The following CCDC91 variants were observed in gnomAD, a reference collection of about 807,000 sequenced individuals.
CCDC91 encodes the protein coiled-coil domain containing 91, also known as coiled-coil domain-containing protein 91.
In CCDC91, 48 loss-of-function variants were observed where a neutral mutation model predicts 63.2. The ratio of observed to expected loss-of-function variants is 0.76; its 90% CI spans 0.60 to 0.97. The LOEUF (loss-of-function observed/expected upper bound fraction) is 0.97. Ranked by LOEUF, CCDC91 falls within the 50% of genes least tolerant of loss-of-function variation. CCDC91 has a pLI of 0.00. For missense variants in CCDC91, 500 were observed against 494.6 expected (o/e 1.01, Z -0.10); for synonymous variants, 167 against 165.8 (o/e 1.01, Z -0.06).
chr12:28,198,690 AT>A (rs1431354870), intron 1 of CCDC91, among the ~76,000 whole-genome samples: 1 of 152,116 alleles, frequency 6.6e-6, no homozygotes, highest in Non-Finnish European at 1.5e-5. Flanking sequence ...GAAGAGATTT[AT>A]TTCTCTTTTT....
At chr12:28,198,025 A>G (rs1941918732) in intron 1 of CCDC91, among the ~76,000 whole-genome samples, 1 of 152,166 alleles carries the variant, frequency 6.6e-6, no homozygotes, top group African/African-American at 2.4e-5. Context: ...AATTCTGGTA[A>G]AACAATTTGT....
At chr12:28,477,459 G>C (rs1951168190) in intron 11 of CCDC91, among the ~76,000 whole-genome samples, 1 of 152,038 alleles carries the variant, frequency 6.6e-6, no homozygotes, top group South Asian at 2.1e-4. Flanking sequence ...AGGTATTGAT[G>C]GGACATATCT....
At chr12:28,230,858 C>T (rs1260131849) in intron 1 of CCDC91, among the ~76,000 whole-genome samples, 1 of 152,162 alleles carries the variant, frequency 6.6e-6, no homozygotes, top group Non-Finnish European at 1.5e-5. Flanking sequence ...CTCCTGGACT[C>T]AAGTGATCTG....
chr12:28,487,470 A>G (rs574181467), intron 12 of CCDC91, among the ~76,000 whole-genome samples: 57 of 152,018 alleles, frequency 3.7e-4, no homozygotes, highest in Non-Finnish European at 7.7e-4. Flanking sequence ...GATATCTCAG[A>G]GCTTATAAAC....
intron 6 of CCDC91, among the ~76,000 whole-genome samples, chr12:28,327,098 G>A (rs1261474790): frequency 6.6e-6 from 1 of 152,062 alleles, no homozygotes; most frequent in Non-Finnish European, 1.5e-5. Context: ...GTCCTTTTAG[G>A]GTTTCTTCCA....
At chr12:28,273,388 A>G (rs1947929847) in intron 3 of CCDC91, among the ~76,000 whole-genome samples, 1 of 152,136 alleles carries the variant, frequency 6.6e-6, no homozygotes, top group Non-Finnish European at 1.5e-5. Context: ...TGGTATTTCT[A>G]GTTCTAGATC....
chr12:28,360,637 T>C (rs1343981376), intron 6 of CCDC91, among the ~76,000 whole-genome samples: 2 of 152,250 alleles, frequency 1.3e-5, no homozygotes, highest in Non-Finnish European at 2.9e-5. Context: ...TTTAATTTGC[T>C]ATTATTTTCT....
intron 3 of CCDC91, among the ~76,000 whole-genome samples, chr12:28,275,965 C>T (rs1257165413): frequency 4.6e-5 from 7 of 152,078 alleles, no homozygotes; most frequent in Non-Finnish European, 1.0e-4. Context: ...ATTGATGGGA[C>T]GTATCTCAAA....
At chr12:28,317,221 C>T (rs1939988529) in intron 6 of CCDC91, among the ~76,000 whole-genome samples, 1 of 151,918 alleles carries the variant, frequency 6.6e-6, no homozygotes, top group South Asian at 2.1e-4. Context: ...AGGAATATCC[C>T]AGTTTGTGCT....
At chr12:28,545,346 C>G (rs1942915014) in intron 12 of CCDC91, among the ~76,000 whole-genome samples, 1 of 152,052 alleles carries the variant, frequency 6.6e-6, no homozygotes, top group Non-Finnish European at 1.5e-5. Flanking sequence ...AAAACAGTAA[C>G]TGTTGAAATT....
chr12:28,465,473 G>C (rs943933554), intron 11 of CCDC91, among the ~76,000 whole-genome samples: 3 of 152,176 alleles, frequency 2.0e-5, no homozygotes, highest in African/African-American at 7.2e-5. Flanking sequence ...GCTCAGAATA[G>C]AGAGAAAAAC....
At chr12:28,391,179 T>C (rs1945917267) in intron 7 of CCDC91, 125 bp from the exon 8 acceptor site, 6 of 541,730 alleles carry the variant, frequency 1.1e-5, no homozygotes, top group African/African-American at 3.9e-5. Flanking sequence ...TATTAACAAA[T>C]ACATATTTTG....
At chr12:28,197,442 G>A (rs1255565058) in intron 1 of CCDC91, among the ~76,000 whole-genome samples, 2 of 152,018 alleles carry the variant, frequency 1.3e-5, no homozygotes, top group Admixed American at 1.3e-4. Flanking sequence ...AAATCTTTGT[G>A]CCTAGCTTCA....
intron 3 of CCDC91, among the ~76,000 whole-genome samples, chr12:28,293,646 C>A (rs1055395085): frequency 6.6e-6 from 1 of 151,808 alleles, no homozygotes; most frequent in African/African-American, 2.4e-5. Flanking sequence ...TCTTAAAATT[C>A]TTTTTGAAGT....
intron 12 of CCDC91, among the ~76,000 whole-genome samples, chr12:28,537,717 A>C (rs1371389572): frequency 6.6e-6 from 1 of 152,230 alleles, no homozygotes; most frequent in Non-Finnish European, 1.5e-5. Context: ...CATTAAGGCT[A>C]CAAAAATGAC....
intron 7 of CCDC91, among the ~76,000 whole-genome samples, chr12:28,363,294 A>G (rs1944023631): frequency 6.6e-6 from 1 of 151,876 alleles, no homozygotes; most frequent in South Asian, 2.1e-4. Flanking sequence ...TACTAAATTT[A>G]CTCTTTCTTG....
At chr12:28,349,886 G>C (rs1320625370) in intron 6 of CCDC91, among the ~76,000 whole-genome samples, 1 of 152,084 alleles carries the variant, frequency 6.6e-6, no homozygotes. Context: ...GAAGTGATCT[G>C]GGGAGGACTA....
At position 28,257,242 on chromosome 12, in the gene CCDC91, T is replaced by C; in HGVS notation, c.27T>C (p.Phe9=). 6.2e-7 allele frequency: 1 copy of C among 1,608,112 alleles called. No homozygotes were observed. Among genetic ancestry groups the C allele is most frequent in the Non-Finnish European group, 8.5e-7 (1 of 1,174,876 alleles). Residue 9 remains phenylalanine (F), a synonymous_variant, in exon 2 of 13, where the codon TTT becomes TTC. Transcript: ENST00000536442. MDDDDFGG[F]EAAETFDGGS... ...TGGATGATGATGATTTTGGTGGTTT[T>C]GAGGTATGCACTGTTATTTACATTA...
intron 6 of CCDC91, among the ~76,000 whole-genome samples, chr12:28,336,964 A>G (rs1942030855): frequency 6.6e-6 from 1 of 152,134 alleles, no homozygotes; most frequent in South Asian, 2.1e-4. Context: ...ATCTTTTAGT[A>G]TATTCAAATT....
Sources: gnomAD v4.1 joint callset for allele counts (sites outside exome capture counted in the v4.1 genomes callset) on GRCh38, gnomAD v4.1.1 for gene constraint, MANE v1.5 for transcripts, NCBI Gene and HGNC (gene_info 2026-07-23, HGNC 2026-07-21) for gene names.